Variants in ZNG1B observed in about 807,000 individuals in gnomAD.
ZNG1B encodes Zn regulated GTPase metalloprotein activator 1B.
the ZNG1B span, among the ~76,000 whole-genome samples, chr2:113,472,759 TTG>T: frequency 1.4e-4 from 21 of 152,070 alleles, no homozygotes; most frequent in East Asian, 3.1e-3. Flanking sequence ...TCCCCACTGC[TTG>T]TTTTTCTCAG....
At chr2:113,445,087 T>C in the ZNG1B span, 1 of 1,603,140 alleles carries the variant, frequency 6.2e-7, no homozygotes, top group Non-Finnish European at 8.5e-7. Flanking sequence ...AACCAGAATA[T>C]AGTTCTGTGA....
chr2:113,478,653 T>C, the ZNG1B span, among the ~76,000 whole-genome samples: 1 of 151,766 alleles, frequency 6.6e-6, no homozygotes, highest in Non-Finnish European at 1.5e-5. Flanking sequence ...AGTTTTTTTT[T>C]TTCCACCTTC....
the ZNG1B span, among the ~76,000 whole-genome samples, chr2:113,458,153 A>G: frequency 6.6e-6 from 1 of 151,818 alleles, no homozygotes; most frequent in Admixed American, 6.6e-5. Context: ...AGAATGCCAA[A>G]ATTTCCATTT....
chr2:113,476,468 C>T, the ZNG1B span, among the ~76,000 whole-genome samples: 2 of 150,006 alleles, frequency 1.3e-5, no homozygotes, highest in African/African-American at 5.0e-5. Context: ...GTTTGATCGT[C>T]TGAAGCCTTC....
chr2:113,477,186 A>AC, the ZNG1B span, among the ~76,000 whole-genome samples: 990 of 151,112 alleles, frequency 6.6e-3, 10 homozygotes, highest in Middle Eastern at 0.037. Flanking sequence ...TGGGCGTGGG[A>AC]CCCTCCGAGC....
chr2:113,447,363 A>G, the ZNG1B span: 1 of 412,902 alleles, frequency 2.4e-6, no homozygotes, highest in East Asian at 7.0e-5. Flanking sequence ...AAACATACAT[A>G]CCTTAATTAA....
At chr2:113,493,524 CA>C in the ZNG1B span, among the ~76,000 whole-genome samples, 2 of 128,088 alleles carry the variant, frequency 1.6e-5, no homozygotes, top group African/African-American at 2.8e-5. Flanking sequence ...TTTTAAAATA[CA>C]AGGTAGTAGT....
At chr2:113,453,504 C>T in the ZNG1B span, among the ~76,000 whole-genome samples, 909 of 151,216 alleles carry the variant, frequency 6.0e-3, 4 homozygotes, top group African/African-American at 0.021. Flanking sequence ...CCGCCAGCCT[C>T]GGCCTCCCAA....
chr2:113,461,575 G>T, the ZNG1B span, among the ~76,000 whole-genome samples: 74 of 143,734 alleles, frequency 5.1e-4, no homozygotes, highest in Non-Finnish European at 7.0e-4. Context: ...ATAAGACCCT[G>T]AATAATTGAG....
At chr2:113,440,492 CAT>C in the ZNG1B span, among the ~76,000 whole-genome samples, 3 of 152,182 alleles carry the variant, frequency 2.0e-5, no homozygotes, top group African/African-American at 7.2e-5. Context: ...TTCTATACTT[CAT>C]ATTTTTGTGA....
chr2:113,468,459 T>C, the ZNG1B span: 1 of 147,640 alleles, frequency 6.8e-6, no homozygotes, highest in Non-Finnish European at 1.5e-5. Context: ...TAGGGAAAAA[T>C]TGAAAGCCTC....
chr2:113,444,860 G>A, the ZNG1B span: 1 of 1,484,178 alleles, frequency 6.7e-7, no homozygotes, highest in South Asian at 1.2e-5. Context: ...ACATTCCTAA[G>A]GGTACTTTTG....
the ZNG1B span, among the ~76,000 whole-genome samples, chr2:113,456,748 C>T: frequency 1.9e-4 from 29 of 152,248 alleles, no homozygotes; most frequent in East Asian, 5.8e-4. Flanking sequence ...TTTTCTAAGT[C>T]GGATGCCAGA....
the ZNG1B span, among the ~76,000 whole-genome samples, chr2:113,480,313 A>C: frequency 6.6e-6 from 1 of 151,576 alleles, no homozygotes; most frequent in Admixed American, 6.6e-5. Context: ...TAATTTTTTT[A>C]TTGTTACTTT....
At chr2:113,480,088 T>G in the ZNG1B span, among the ~76,000 whole-genome samples, 3 of 151,996 alleles carry the variant, frequency 2.0e-5, no homozygotes, top group Non-Finnish European at 2.9e-5. Context: ...CCCAAAGTAA[T>G]GGGATTATAG....
the ZNG1B span, among the ~76,000 whole-genome samples, chr2:113,453,946 A>G: frequency 6.6e-6 from 1 of 152,198 alleles, no homozygotes; most frequent in Admixed American, 6.5e-5. Flanking sequence ...GGGCAGTGAT[A>G]TGCCTTCATT....
At chr2:113,466,397 A>C in the ZNG1B span, 1 of 826,430 alleles carries the variant, frequency 1.2e-6, no homozygotes, top group Non-Finnish European at 1.4e-6. Flanking sequence ...TCCTGAATAA[A>C]AGTTGTGTCT....
At chr2:113,438,112 G>A in the ZNG1B span, 6 of 1,602,988 alleles carry the variant, frequency 3.7e-6, no homozygotes, top group Non-Finnish European at 4.3e-6. Flanking sequence ...GAGGCATTGG[G>A]GCCTCATGAT....
the ZNG1B span, among the ~76,000 whole-genome samples, chr2:113,490,526 A>G: frequency 2.0e-5 from 3 of 152,190 alleles, no homozygotes; most frequent in Non-Finnish European, 4.4e-5. Context: ...AAAAATCCAA[A>G]AGATAAATGA....
Sources: allele counts gnomAD v4.1 joint callset (sites outside exome capture counted in the v4.1 genomes callset), GRCh38; gene constraint gnomAD v4.1.1; transcripts MANE v1.5; gene names NCBI Gene and HGNC (gene_info 2026-07-23, HGNC 2026-07-21).